The following KIRREL1 variants were observed in gnomAD, a reference collection of about 807,000 sequenced individuals.
KIRREL1 encodes kirre like nephrin family adhesion molecule 1.
KIRREL1 carries 25 observed loss-of-function variants against 83.3 expected under a neutral mutation model. The ratio of observed to expected loss-of-function variants is 0.30; its 90% CI spans 0.22 to 0.42. The LOEUF (loss-of-function observed/expected upper bound fraction) is 0.42. Ranked by LOEUF, KIRREL1 falls within the 10% of genes least tolerant of loss-of-function variation. The pLI is 1.00. For missense variants in KIRREL1, 812 were observed against 1,032.3 expected (o/e 0.79, Z 2.92); for synonymous variants, 388 against 410.4 (o/e 0.95, Z 0.66).
At chr1:158,056,370 T>C (rs1291419219) in intron 1 of KIRREL1, among the ~76,000 whole-genome samples, 1 of 152,148 alleles carries the variant, frequency 6.6e-6, no homozygotes, top group Non-Finnish European at 1.5e-5. Flanking sequence ...TCCACCACCA[T>C]CTGCAATTCC....
At chr1:158,048,456 C>A (rs1346685477) in intron 1 of KIRREL1, among the ~76,000 whole-genome samples, 1 of 152,132 alleles carries the variant, frequency 6.6e-6, no homozygotes, top group Non-Finnish European at 1.5e-5. Flanking sequence ...CTAGGAAAGG[C>A]GTTTTTTCAG....
intron 1 of KIRREL1, among the ~76,000 whole-genome samples, chr1:158,074,629 C>T (rs12138119): frequency 0.25 from 38,318 of 152,032 alleles, 5,508 homozygotes; most frequent in East Asian, 0.5. Flanking sequence ...GTGACGCGAC[C>T]GGTTATATTT....
intron 1 of KIRREL1, among the ~76,000 whole-genome samples, chr1:157,995,506 T>G (rs1199430557): frequency 6.6e-6 from 1 of 151,850 alleles, no homozygotes; most frequent in African/African-American, 2.4e-5. Flanking sequence ...GGGGGTCATG[T>G]TGGTGGTGGA....
In KIRREL1 at chr1:158,097,073, C is replaced by T; in HGVS notation, c.*1953C>T. ...GAAGTCTGTGCATCCTCCTTCATTT[C>T]AGCAGGGAAAACTCCTGTGGAGTGG... is the stretch of plus-strand genomic sequence containing the variant. On this transcript the variant is annotated 3_prime_UTR_variant, in exon 15 of 15. Coordinates refer to ENST00000359209, the MANE Select transcript of KIRREL1 (RefSeq NM_018240.7). 1 of 456,746 alleles carries T rather than the reference C, an allele frequency of 2.2e-6. No individual in the cohort carries two copies. The highest frequency in any genetic ancestry group is 4.4e-6 in the Non-Finnish European group (1 of 226,978). The allele number at this position is 456,746 out of a possible 1,614,324, so 28.3% of individuals were successfully genotyped here. A position where few individuals can be genotyped will look rare whatever the true frequency, so the allele number is the denominator to read the frequency against.
At chr1:158,037,282 C>T (rs1660504034) in intron 1 of KIRREL1, among the ~76,000 whole-genome samples, 1 of 152,090 alleles carries the variant, frequency 6.6e-6, no homozygotes, top group Admixed American at 6.5e-5. Flanking sequence ...ATCACAAGGT[C>T]AGGACTTCAA....
intron 1 of KIRREL1, among the ~76,000 whole-genome samples, chr1:158,001,890 T>C (rs963188962): frequency 6.6e-6 from 1 of 152,144 alleles, no homozygotes; most frequent in Non-Finnish European, 1.5e-5. Flanking sequence ...GCAATGGATT[T>C]CTGTTTTTTA....
In KIRREL1 at chr1:158,044,272, G is replaced by A. The variant is rs141162248; in HGVS notation, c.53-31841G>A. On this transcript the variant is annotated intron_variant, in intron 1 of 14. Coordinates refer to ENST00000359209, the MANE Select transcript of KIRREL1 (RefSeq NM_018240.7). ...CCCCTTCTGTCTGCCTCCAGAGCCA[G>A]GTCAGGCTTAATGCAAGGTCCTGCA... Among the ~76,000 whole-genome samples the A allele has an allele frequency of 5.0e-3, 758 of 152,280 alleles. 5 individuals are homozygous for A. Among genetic ancestry groups the A allele is most frequent in the African/African-American group, 0.018 (733 of 41,542 alleles).
intron 1 of KIRREL1, among the ~76,000 whole-genome samples, chr1:158,045,571 A>C (rs1215077943): frequency 6.6e-6 from 1 of 152,188 alleles, no homozygotes; most frequent in African/African-American, 2.4e-5. Flanking sequence ...CCAAGCATGG[A>C]GCTTCCGTGC....
intron 1 of KIRREL1, among the ~76,000 whole-genome samples, chr1:158,013,460 A>C (rs1222786351): frequency 6.6e-6 from 1 of 152,214 alleles, no homozygotes. Flanking sequence ...GATGCCAGAC[A>C]GAACTGTTTT....
intron 1 of KIRREL1, among the ~76,000 whole-genome samples, chr1:158,050,491 C>T (rs1660882615): frequency 1.3e-5 from 2 of 152,026 alleles, no homozygotes; most frequent in African/African-American, 2.4e-5. Flanking sequence ...AAACATCCCT[C>T]GAACATTAAA....
At chr1:158,089,347 C>A in intron 8 of KIRREL1, 155 bp from the exon 9 acceptor site, 1 of 1,164,114 alleles carries the variant, frequency 8.6e-7, no homozygotes, top group Non-Finnish European at 1.2e-6. Context: ...AGAGTCAGAG[C>A]ATGGACCAAA....
intron 1 of KIRREL1, among the ~76,000 whole-genome samples, chr1:158,036,215 C>A (rs189581389): frequency 2.4e-4 from 36 of 152,212 alleles, no homozygotes; most frequent in African/African-American, 8.2e-4. Context: ...ACAGAATTTC[C>A]ATTTATTTAT....
At chr1:158,063,174 G>A (rs1376486288) in intron 1 of KIRREL1, among the ~76,000 whole-genome samples, 1 of 152,142 alleles carries the variant, frequency 6.6e-6, no homozygotes, top group Non-Finnish European at 1.5e-5. Flanking sequence ...TACCTACTCT[G>A]TGGCAAGCAA....
chr1:158,042,270 T>G (rs1389669303), intron 1 of KIRREL1, among the ~76,000 whole-genome samples: 1 of 150,794 alleles, frequency 6.6e-6, no homozygotes, highest in Non-Finnish European at 1.5e-5. Context: ...ACCTGGTAAC[T>G]AAATAAGGTT....
chr1:158,028,070 C>T lies in KIRREL1; in HGVS notation c.52+34342C>T, dbSNP rs116401638. Among the ~76,000 whole-genome samples the T allele has an allele frequency of 6.9e-3, 1,058 of 152,286 alleles. 11 individuals are homozygous for T. Among genetic ancestry groups the T allele is most frequent in the African/African-American group, 0.024 (1,006 of 41,542 alleles). ...CTACACAACTCCTCCTCCGCTCTCC[C>T]ACCCTACCATGTCCCTGAGGTAGGG... is the stretch of plus-strand genomic sequence containing the variant. On this transcript the variant is annotated intron_variant, in intron 1 of 14. Coordinates refer to ENST00000359209, the MANE Select transcript of KIRREL1 (RefSeq NM_018240.7).
intron 1 of KIRREL1, among the ~76,000 whole-genome samples, chr1:158,028,344 G>A (rs1403930423): frequency 3.9e-5 from 6 of 152,254 alleles, no homozygotes; most frequent in African/African-American, 1.4e-4. Context: ...ATGTTGGGGA[G>A]TGTGTAGCTG....
intron 1 of KIRREL1, among the ~76,000 whole-genome samples, chr1:158,012,808 T>C (rs1434337390): frequency 6.6e-6 from 1 of 152,248 alleles, no homozygotes; most frequent in Admixed American, 6.5e-5. Context: ...AGATAAATGA[T>C]AGTGTAAGTT....
chr1:158,004,361 G>T (rs974157514), intron 1 of KIRREL1, among the ~76,000 whole-genome samples: 1 of 152,208 alleles, frequency 6.6e-6, no homozygotes, highest in Non-Finnish European at 1.5e-5. Flanking sequence ...ATACAGATCA[G>T]ACTGTTAACT....
At chr1:158,030,950 T>A (rs1972216) in intron 1 of KIRREL1, 1 of 152,062 alleles carries the variant, frequency 6.6e-6, no homozygotes, top group Non-Finnish European at 1.5e-5. Context: ...AAGTGGACGA[T>A]AATCCCATTG....
Sources: allele counts gnomAD v4.1 joint callset (sites outside exome capture counted in the v4.1 genomes callset), GRCh38; gene constraint gnomAD v4.1.1; transcripts MANE v1.5; gene names NCBI Gene and HGNC (gene_info 2026-07-23, HGNC 2026-07-21).